The following IL7 variants were observed in gnomAD, a reference collection of about 807,000 sequenced individuals.
The protein encoded by IL7 is interleukin-7.
In IL7, 3 loss-of-function variants were observed where a neutral mutation model predicts 21.6. The observed-to-expected ratio is 0.14, with a 90% CI of 0.06 to 0.36. The LOEUF (loss-of-function observed/expected upper bound fraction) is 0.36. IL7 is among the 10% of genes least tolerant of loss of function. The probability of loss-of-function intolerance (pLI) is 1.00; values close to 1 mark genes in which losing one functional copy is unlikely to be tolerated. For synonymous variants in IL7, 62 were observed against 68.1 expected (o/e 0.91, Z 0.44); for missense variants, 175 against 200.2 (o/e 0.87, Z 0.76).
At chr8:78,743,803 T>G (rs1811881140) in intron 2 of IL7, among the ~76,000 whole-genome samples, 1 of 152,178 alleles carries the variant, frequency 6.6e-6, no homozygotes. Flanking sequence ...TACCTTTTTT[T>G]TTCCCCCTGG....
chr8:78,690,116 T>C (rs1344448576), intron 3 of IL7, among the ~76,000 whole-genome samples: 1 of 152,240 alleles, frequency 6.6e-6, no homozygotes, highest in African/African-American at 2.4e-5. Flanking sequence ...AATATAAATG[T>C]ATGGGTTTAT....
rs954954723 is a variant in IL7 at position 78,722,403 on chromosome 8, T to A, written n.268-963A>T. Among the ~76,000 whole-genome samples, 306 of 146,804 alleles carry A rather than the reference T, an allele frequency of 2.1e-3. 1 individual carries two copies. The highest frequency in any genetic ancestry group is 7.5e-3 in the African/African-American group (298 of 39,728). The stretch of plus-strand genomic sequence containing the variant: ...GACATTCTATTTTTTAATTTTAAAA[T>A]TTTTATTTTTTGCTTTCAATAAGAA... On this transcript the variant is annotated intron_variant and non_coding_transcript_variant, in intron 3 of 6. Coordinates refer to the IL7 transcript ENST00000519833.
At chr8:78,700,989 C>T (rs536497050) in intron 3 of IL7, among the ~76,000 whole-genome samples, 6 of 152,154 alleles carry the variant, frequency 3.9e-5, no homozygotes, top group Admixed American at 2.6e-4. Context: ...ATTTTTTATT[C>T]TATATTAATG....
chr8:78,769,810 C>T (rs1403359461), intron 2 of IL7, among the ~76,000 whole-genome samples: 3 of 152,140 alleles, frequency 2.0e-5, no homozygotes, highest in African/African-American at 7.2e-5. Context: ...GTAACCAAAA[C>T]AACATGATAC....
intron 1 of IL7, among the ~76,000 whole-genome samples, chr8:78,802,823 T>C (rs149147102): frequency 6.6e-6 from 1 of 152,308 alleles, no homozygotes; most frequent in African/African-American, 2.4e-5. Flanking sequence ...GGCACTGAAC[T>C]ACATTGCTTC....
chr8:78,676,720 T>A (rs1809591407), intron 4 of IL7, among the ~76,000 whole-genome samples: 1 of 151,914 alleles, frequency 6.6e-6, no homozygotes, highest in South Asian at 2.1e-4. Context: ...AATGATGGCT[T>A]TTTTGTAATC....
At chr8:78,705,110 G>T (rs533533564) in intron 3 of IL7, among the ~76,000 whole-genome samples, 1 of 152,150 alleles carries the variant, frequency 6.6e-6, no homozygotes, top group African/African-American at 2.4e-5. Flanking sequence ...CATTTCAGCT[G>T]TCTCAGCCTC....
At chr8:78,685,247 G>A (rs1809930140) in intron 4 of IL7, among the ~76,000 whole-genome samples, 1 of 77,360 alleles carries the variant, frequency 1.3e-5, no homozygotes, top group Non-Finnish European at 3.3e-5. Flanking sequence ...TAGGACAACT[G>A]CATAGCCATG....
At chr8:78,682,403 G>A (rs1367175215) in intron 4 of IL7, among the ~76,000 whole-genome samples, 3 of 152,140 alleles carry the variant, frequency 2.0e-5, no homozygotes, top group African/African-American at 7.2e-5. Flanking sequence ...GGCCGAGGAG[G>A]CCTCACATCA....
At chr8:78,711,916 T>C in intron 3 of IL7, 4 of 888,632 alleles carry the variant, frequency 4.5e-6, no homozygotes, top group Non-Finnish European at 6.3e-6. Flanking sequence ...ACCAGAATAA[T>C]GTCTTTTAAA....
In IL7 at chr8:78,760,844, A is replaced by G; in HGVS notation, c.148-20762T>C. 3 of 1,557,992 alleles carry G rather than the reference A, an allele frequency of 1.9e-6. No homozygotes were observed. The South Asian group carries it at 3.6e-5, about 19-fold the overall frequency. On this transcript the variant is annotated intron_variant, in intron 2 of 5. Transcript: ENST00000263851. ...AAACCAAAATTCATTATAAACTTCA[A>G]TATTTTCCATCACTTCGTTGAGTGA...
chr8:78,795,142 T>A (rs556894828), intron 2 of IL7, among the ~76,000 whole-genome samples: 32 of 152,154 alleles, frequency 2.1e-4, no homozygotes, highest in Admixed American at 1.9e-3. Context: ...GTTGTAAGGA[T>A]TAAATTAGTT....
At position 78,801,218 on chromosome 8, in the gene IL7, A is replaced by G. The variant is rs1468773478; in HGVS notation, c.11-3010T>C. On this transcript the variant is annotated intron_variant, in intron 1 of 5. Coordinates refer to ENST00000263851, the MANE Select transcript of IL7 (RefSeq NM_000880.4). ...GTTTTGGAATTAAAATTCTCATAAT[A>G]ATAATTATAATGCATGGCTTCCTGC... 2.6e-5 allele frequency among the ~76,000 whole-genome samples: 4 copies of G among 152,214 alleles called. No individual in the cohort carries two copies. In the East Asian group the frequency reaches 5.8e-4, roughly 22 times the overall value.
intron 2 of IL7, among the ~76,000 whole-genome samples, chr8:78,744,300 G>A (rs1201792766): frequency 6.6e-6 from 1 of 152,060 alleles, no homozygotes; most frequent in Non-Finnish European, 1.5e-5. Context: ...GGAGGCCCTG[G>A]TTGGGAGGTC....
At chr8:78,697,205 T>C (rs1810449927) in intron 3 of IL7, among the ~76,000 whole-genome samples, 1 of 152,232 alleles carries the variant, frequency 6.6e-6, no homozygotes, top group Non-Finnish European at 1.5e-5. Context: ...CTTAATCGTT[T>C]TTAAGAATAC....
chr8:78,699,371 A>C (rs1196131258), intron 3 of IL7, among the ~76,000 whole-genome samples: 2 of 152,178 alleles, frequency 1.3e-5, no homozygotes, highest in African/African-American at 4.8e-5. Context: ...AAATTAAGGG[A>C]TTACCACAGG....
At chr8:78,714,659 A>G (rs1249659115), downstream of IL7, among the ~76,000 whole-genome samples, 1 of 152,232 alleles carries the variant, frequency 6.6e-6, no homozygotes, top group Non-Finnish European at 1.5e-5. Context: ...TGATCCAACC[A>G]GAAGTCCCTC....
intron 2 of IL7, chr8:78,746,991 T>C (rs1305921148): frequency 2.0e-5 from 9 of 456,222 alleles, no homozygotes; most frequent in South Asian, 1.4e-4. Flanking sequence ...ACAGTTACTC[T>C]TCATGGTCAC....
intron 2 of IL7, among the ~76,000 whole-genome samples, chr8:78,773,587 A>G (rs1301196701): frequency 6.6e-6 from 1 of 152,098 alleles, no homozygotes; most frequent in Non-Finnish European, 1.5e-5. Context: ...GGCAATACAG[A>G]GTGGCAAGTA....
Sources: gnomAD v4.1 joint callset for allele counts (sites outside exome capture counted in the v4.1 genomes callset) on GRCh38, gnomAD v4.1.1 for gene constraint, MANE v1.5 for transcripts, NCBI Gene and HGNC (gene_info 2026-07-23, HGNC 2026-07-21) for gene names.